VKORC1L1: variants seen among roughly 807,000 people sequenced by gnomAD.
The protein encoded by VKORC1L1 is vitamin K epoxide reductase complex subunit 1L1.
In VKORC1L1, 2 loss-of-function variants were observed where a neutral mutation model predicts 18.9. The ratio of observed to expected loss-of-function variants is 0.11; its 90% CI spans 0.04 to 0.33. The LOEUF is 0.33. VKORC1L1 is among the 10% of genes least tolerant of loss of function. VKORC1L1 has a pLI of 1.00. For missense variants in VKORC1L1, 123 were observed against 224.1 expected (o/e 0.55, Z 2.88); for synonymous variants, 96 against 100.0 (o/e 0.96, Z 0.24).
intron 1 of VKORC1L1, among the ~76,000 whole-genome samples, chr7:65,922,266 G>T (rs753651380): frequency 4.1e-4 from 61 of 150,082 alleles, no homozygotes; most frequent in Non-Finnish European, 6.8e-4. Flanking sequence ...TTCTGTCTAG[G>T]ATCATGTTCC....
At chr7:65,910,208 A>G (rs909319628) in intron 1 of VKORC1L1, among the ~76,000 whole-genome samples, 7 of 152,204 alleles carry the variant, frequency 4.6e-5, no homozygotes, top group African/African-American at 1.7e-4. Context: ...CCTCAGTACC[A>G]TTGTTTTAAT....
At chr7:65,925,622 AG>A (rs1346460663) in intron 1 of VKORC1L1, among the ~76,000 whole-genome samples, 3 of 152,288 alleles carry the variant, frequency 2.0e-5, no homozygotes, top group Middle Eastern at 3.4e-3. Flanking sequence ...GGAAGCAGTA[AG>A]GGCTTTGAGG....
chr7:65,869,802 A>C (rs1206092449), upstream of VKORC1L1, among the ~76,000 whole-genome samples: 6 of 151,454 alleles, frequency 4.0e-5, no homozygotes, highest in Admixed American at 3.3e-4. Context: ...AGTGTGTGCC[A>C]CCACGCCTGG....
Position 65,958,098 on chromosome 7 carries a change from A to G in VKORC1L1, c.*3798A>G, listed in dbSNP as rs1039996018. Reference sequence around the variant, plus strand: ...CCTCGTGTCTTTTTCTCTAACACACAGTCATGGGTGAAACATTTCAGACAC... The same window carrying G: ...CCTCGTGTCTTTTTCTCTAACACACGGTCATGGGTGAAACATTTCAGACAC... On this transcript the variant is annotated 3_prime_UTR_variant, in exon 3 of 3. Coordinates refer to ENST00000360768, the MANE Select transcript of VKORC1L1 (RefSeq NM_173517.6). The G allele has an allele frequency of 6.6e-6, 1 of 152,188 alleles. No homozygotes were observed. The highest frequency in any genetic ancestry group is 2.4e-5 in the African/African-American group (1 of 41,448). 9.4% of individuals were successfully genotyped at this position (152,188 alleles called of 1,614,324 possible).
At chr7:65,897,820 A>C (rs907958655) in intron 1 of VKORC1L1, among the ~76,000 whole-genome samples, 41 of 152,160 alleles carry the variant, frequency 2.7e-4, no homozygotes, top group African/African-American at 9.4e-4. Context: ...TTTTAATATA[A>C]ATAAAAATAG....
At chr7:65,906,329 C>G (rs1450799693) in intron 1 of VKORC1L1, among the ~76,000 whole-genome samples, 1 of 151,530 alleles carries the variant, frequency 6.6e-6, no homozygotes, top group Admixed American at 6.6e-5. Context: ...AGCTGTAGTA[C>G]CACTCCACTC....
Position 65,892,372 on chromosome 7 carries a change from T to C in VKORC1L1, c.194+18807T>C, listed in dbSNP as rs186961372. ...TTTTTGAGGAACGTCCACATAGTGA[T>C]TGTACTAATTTACATTACCAACAAC... On this transcript the variant is annotated intron_variant, in intron 1 of 2. Coordinates refer to ENST00000360768, the MANE Select transcript of VKORC1L1 (RefSeq NM_173517.6). Among the ~76,000 whole-genome samples, 286 of 152,292 alleles carry C rather than the reference T, an allele frequency of 1.9e-3. 3 individuals are homozygous for C. The highest frequency in any genetic ancestry group is 6.7e-3 in the African/African-American group (279 of 41,568).
chr7:65,886,839 GTTTTTTTTTT>G (rs56234924), intron 1 of VKORC1L1, among the ~76,000 whole-genome samples: 7 of 58,604 alleles, frequency 1.2e-4, no homozygotes, highest in East Asian at 6.9e-4. Context: ...GCCTGTCCGA[GTTTTTTTTTT>G]TTTTTTTTTT....
At chr7:65,953,992 TCA>T in intron 2 of VKORC1L1, 80 bp from the exon 3 acceptor site, 2 of 1,270,654 alleles carry the variant, frequency 1.6e-6, no homozygotes, top group African/African-American at 1.5e-5. Flanking sequence ...CTGCAGCAAG[TCA>T]CACAGTGTTA....
intron 1 of VKORC1L1, among the ~76,000 whole-genome samples, chr7:65,920,159 A>G (rs949883145): frequency 6.6e-6 from 1 of 151,554 alleles, no homozygotes; most frequent in African/African-American, 2.4e-5. Context: ...TCACCTCACC[A>G]CCCGACTTCA....
At chr7:65,928,034 A>C (rs1233690912) in intron 1 of VKORC1L1, among the ~76,000 whole-genome samples, 2 of 152,030 alleles carry the variant, frequency 1.3e-5, no homozygotes, top group African/African-American at 4.8e-5. Flanking sequence ...AACCTATAGT[A>C]AGGCACTTAG....
intron 1 of VKORC1L1, among the ~76,000 whole-genome samples, chr7:65,878,416 C>T (rs1014182028): frequency 2.0e-5 from 3 of 151,722 alleles, no homozygotes; most frequent in Admixed American, 6.6e-5. Flanking sequence ...CACTGCCCTC[C>T]TGCCTGGGCA....
intron 1 of VKORC1L1, among the ~76,000 whole-genome samples, chr7:65,922,363 C>G (rs956292063): frequency 1.2e-4 from 19 of 152,050 alleles, no homozygotes; most frequent in Admixed American, 1.2e-3. Context: ...TGACCGCAAC[C>G]TCTGCCTCCT....
chr7:65,905,350 A>T (rs1410829896), intron 1 of VKORC1L1, among the ~76,000 whole-genome samples: 2 of 151,874 alleles, frequency 1.3e-5, no homozygotes, highest in Non-Finnish European at 2.9e-5. Context: ...TCGCTCTGTC[A>T]TCCAGGCTGG....
At chr7:65,895,479 AAATATATATATATATATATATATATAT>A (rs1789186831) in intron 1 of VKORC1L1, among the ~76,000 whole-genome samples, 1 of 32,386 alleles carries the variant, frequency 3.1e-5, no homozygotes, top group Non-Finnish European at 4.7e-5. Flanking sequence ...AAAAAAAAAA[AAATATATATATATATATATATATATAT>A]ATATATATAT....
At chr7:65,924,977 G>C (rs1305915152) in intron 1 of VKORC1L1, among the ~76,000 whole-genome samples, 2 of 151,968 alleles carry the variant, frequency 1.3e-5, no homozygotes, top group Non-Finnish European at 2.9e-5. Context: ...CCTCCTGGTT[G>C]GTCCTTTGCT....
chr7:65,870,874 C>T (rs12532877), upstream of VKORC1L1, among the ~76,000 whole-genome samples: 48,651 of 151,540 alleles, frequency 0.32, 8,781 homozygotes, highest in East Asian at 0.47. Context: ...TCAATCCACA[C>T]CCCTGCCCCA....
At chr7:65,908,608 C>A (rs1323257137) in intron 1 of VKORC1L1, among the ~76,000 whole-genome samples, 1 of 151,822 alleles carries the variant, frequency 6.6e-6, no homozygotes, top group Non-Finnish European at 1.5e-5. Flanking sequence ...GAGGTCAAGG[C>A]AGGTGGATCA....
chr7:65,888,616 C>G (rs1382312403), intron 1 of VKORC1L1, among the ~76,000 whole-genome samples: 1 of 152,134 alleles, frequency 6.6e-6, no homozygotes, highest in Non-Finnish European at 1.5e-5. Context: ...GGCCCTGTCT[C>G]TCCCTTACTG....
Sources: gnomAD v4.1 joint callset for allele counts (sites outside exome capture counted in the v4.1 genomes callset) on GRCh38, gnomAD v4.1.1 for gene constraint, MANE v1.5 for transcripts, NCBI Gene and HGNC (gene_info 2026-07-23, HGNC 2026-07-21) for gene names.